NETO2: variants seen among roughly 807,000 people sequenced by gnomAD.
NETO2 encodes neuropilin and tolloid like 2, also known as neuropilin and tolloid-like protein 2.
NETO2 carries 28 observed loss-of-function variants against 62.5 expected under a neutral mutation model. The ratio of observed to expected loss-of-function variants is 0.45; its 90% CI spans 0.33 to 0.61. The LOEUF is 0.61. Among genes scored for constraint, NETO2 ranks in the 20% least tolerant of loss-of-function variants. The pLI is 0.02. For synonymous variants in NETO2, 214 were observed against 219.1 expected (o/e 0.98, Z 0.21); for missense variants, 548 against 643.2 (o/e 0.85, Z 1.60).
At chr16:47,134,266 T>C (rs1445375463) in intron 1 of NETO2, among the ~76,000 whole-genome samples, 1 of 152,226 alleles carries the variant, frequency 6.6e-6, no homozygotes, top group Non-Finnish European at 1.5e-5. Context: ...TCATCCTTGG[T>C]TTCTTGCATC....
chr16:47,086,488 G>A (rs976947356), intron 7 of NETO2, 149 bp from the exon 8 acceptor site: 10 of 602,626 alleles, frequency 1.7e-5, no homozygotes, highest in South Asian at 4.2e-5. Context: ...TAAGACAAAC[G>A]TCAATATTCT....
At chr16:47,138,215 T>G (rs1964396669) in intron 1 of NETO2, among the ~76,000 whole-genome samples, 1 of 152,000 alleles carries the variant, frequency 6.6e-6, no homozygotes, top group African/African-American at 2.4e-5. Flanking sequence ...GCCTGAACAA[T>G]ATGGTGAAAC....
rs527843596 is a variant in NETO2, at chr16:47,099,005, G to A, written c.883+10478C>T. ...CTCACGAGTAGCTGGGATTACAGGC[G>A]CCCACCACCACACCTGGGTAATTTT... On this transcript the variant is annotated intron_variant, in intron 7 of 8. Coordinates refer to ENST00000562435, the MANE Select transcript of NETO2 (RefSeq NM_018092.5). Among the ~76,000 whole-genome samples, 7 of 152,014 alleles carry A rather than the reference G, an allele frequency of 4.6e-5. No individual in the cohort carries two copies. The East Asian group carries it at 7.8e-4, about 17-fold the overall frequency.
At chr16:47,115,732 C>CATATATATATAT (rs1390345855) in intron 6 of NETO2, among the ~76,000 whole-genome samples, 3 of 134,492 alleles carry the variant, frequency 2.2e-5, no homozygotes, top group African/African-American at 3.2e-5. Context: ...TATATATATA[C>CATATATATATAT]ATGTATATAT....
chr16:47,119,698 T>C (rs1402313872), intron 6 of NETO2, among the ~76,000 whole-genome samples: 1 of 152,226 alleles, frequency 6.6e-6, no homozygotes. Flanking sequence ...TTTTTAAATG[T>C]AGTATTTTCA....
chr16:47,117,122 T>C (rs867531811), intron 6 of NETO2, among the ~76,000 whole-genome samples: 1 of 152,196 alleles, frequency 6.6e-6, no homozygotes, highest in East Asian at 1.9e-4. Context: ...TCTCTTAGTT[T>C]TATCATTCTT....
chr16:47,107,942 A>G (rs543879665), intron 7 of NETO2, among the ~76,000 whole-genome samples: 2 of 152,046 alleles, frequency 1.3e-5, no homozygotes, highest in South Asian at 4.2e-4. Flanking sequence ...TGCCCAGCTA[A>G]TTTTTGTATT....
At chr16:47,091,752 G>A (rs990176300) in intron 7 of NETO2, among the ~76,000 whole-genome samples, 25 of 152,302 alleles carry the variant, frequency 1.6e-4, no homozygotes, top group African/African-American at 5.8e-4. Context: ...AAAGCAGAGG[G>A]TGCCTATGTG....
At position 47,083,151 on chromosome 16, in the gene NETO2, G is replaced by GA; in HGVS notation, c.*69dup. On this transcript the variant is annotated 3_prime_UTR_variant, in exon 9 of 9. Transcript: ENST00000562435. ...GATGGGAGAAAAGGGTTGGCTGCTG[G>GA]AAACAGTATGGTGCCCTGGAGGCTG... is the stretch of plus-strand genomic sequence containing the variant. 1 of 1,384,460 alleles carries GA rather than the reference G, an allele frequency of 7.2e-7. No individual in the cohort carries two copies. The highest frequency in any genetic ancestry group is 1.4e-5 in the South Asian group (1 of 72,178). 85.8% of individuals were successfully genotyped at this position (1,384,460 alleles called of 1,614,324 possible). A position where few individuals can be genotyped will look rare whatever the true frequency, so the allele number is the denominator to read the frequency against.
In NETO2 at chr16:47,083,107, T is replaced by C. The variant is rs1055448503; in HGVS notation, c.*114A>G. The C allele has an allele frequency of 3.3e-6, 3 of 907,194 alleles. No homozygotes were observed. The highest frequency in any genetic ancestry group is 2.6e-5 in the Admixed American group (1 of 38,646). The allele number at this position is 907,194 out of a possible 1,614,324, so 56.2% of individuals were successfully genotyped here. A position where few individuals can be genotyped will look rare whatever the true frequency, so the allele number is the denominator to read the frequency against. The stretch of plus-strand genomic sequence containing the variant: ...CACCATACAATAGGTTAACGGTAAA[T>C]CAAGGTCTTCGTAGTTGTGATGGGA... On this transcript the variant is annotated 3_prime_UTR_variant, in exon 9 of 9. Coordinates refer to ENST00000562435, the MANE Select transcript of NETO2 (RefSeq NM_018092.5).
intron 4 of NETO2, among the ~76,000 whole-genome samples, chr16:47,123,899 A>G (rs750118702): frequency 1.3e-5 from 2 of 152,122 alleles, no homozygotes; most frequent in Non-Finnish European, 2.9e-5. Context: ...GAATTTCACT[A>G]TGTTGGTCAG....
chr16:47,103,895 C>A (rs956015934), intron 7 of NETO2, among the ~76,000 whole-genome samples: 1 of 152,048 alleles, frequency 6.6e-6, no homozygotes, highest in African/African-American at 2.4e-5. Context: ...ATGACAAAGG[C>A]CATATATGAA....
At position 47,078,363 on chromosome 16, in the gene NETO2, A is replaced by C. The variant is rs1963011980; in HGVS notation, c.*4858T>G. On this transcript the variant is annotated 3_prime_UTR_variant, in exon 9 of 9. Coordinates refer to ENST00000562435, the MANE Select transcript of NETO2 (RefSeq NM_018092.5). ...CAAGAGTCAAAATTCTTTTCTATAAAATGCCAAATCTAGGATTAAGCATAT... is the reference window on the plus strand; with the variant it reads ...CAAGAGTCAAAATTCTTTTCTATAACATGCCAAATCTAGGATTAAGCATAT... 1 of 152,198 alleles carries C rather than the reference A, an allele frequency of 6.6e-6. No individual in the cohort carries two copies. The highest frequency in any genetic ancestry group is 2.4e-5 in the African/African-American group (1 of 41,436). The allele number at this position is 152,198 out of a possible 1,614,324, so 9.4% of individuals were successfully genotyped here. A position where few individuals can be genotyped will look rare whatever the true frequency, so the allele number is the denominator to read the frequency against.
At chr16:47,118,891 T>C (rs1963977927) in intron 6 of NETO2, among the ~76,000 whole-genome samples, 1 of 152,180 alleles carries the variant, frequency 6.6e-6, no homozygotes, top group Non-Finnish European at 1.5e-5. Flanking sequence ...TAAATACCAG[T>C]GTTCAAACTT....
At chr16:47,088,016 GAAAC>G (rs765223155) in intron 7 of NETO2, among the ~76,000 whole-genome samples, 2 of 152,176 alleles carry the variant, frequency 1.3e-5, no homozygotes, top group Admixed American at 6.5e-5. Context: ...TCAGTGTAAA[GAAAC>G]AAACAAAACA....
chr16:47,128,615 A>G, intron 3 of NETO2, 42 bp from the exon 4 acceptor site: 1 of 1,584,582 alleles, frequency 6.3e-7, no homozygotes, highest in Middle Eastern at 1.7e-4. Context: ...CACAAACAAG[A>G]AAGAATATAA....
intron 1 of NETO2, 88 bp downstream of exon 1, chr16:47,143,491 G>C: frequency 1.7e-6 from 2 of 1,203,054 alleles, no homozygotes; most frequent in Non-Finnish European, 1.0e-6. Flanking sequence ...TCCCGGGCGC[G>C]GGTAAGGGAC....
intron 7 of NETO2, among the ~76,000 whole-genome samples, chr16:47,102,598 A>G (rs1216878367): frequency 1.3e-5 from 2 of 149,442 alleles, no homozygotes; most frequent in African/African-American, 2.5e-5. Context: ...ACAAGAAAAA[A>G]AAAAAAAAAC....
At position 47,085,979 on chromosome 16, in the gene NETO2, AC is replaced by A. The variant is rs549202629; in HGVS notation, c.997+246del. Among the ~76,000 whole-genome samples the A allele has an allele frequency of 9.4e-3, 1,433 of 151,988 alleles. 22 individuals carry two copies. Among genetic ancestry groups the A allele is most frequent in the African/African-American group, 0.033 (1,387 of 41,486 alleles). On this transcript the variant is annotated intron_variant, in intron 8 of 8. Coordinates refer to ENST00000562435, the MANE Select transcript of NETO2 (RefSeq NM_018092.5). ...AAATTAGCCGGGCGTGGTGGCAGGCACCTGTAGTCCCAGCTACTTGGGAAGC... is the reference window on the plus strand; with the variant it reads ...AAATTAGCCGGGCGTGGTGGCAGGCACTGTAGTCCCAGCTACTTGGGAAGC...
Sources: allele counts gnomAD v4.1 joint callset (sites outside exome capture counted in the v4.1 genomes callset), GRCh38; gene constraint gnomAD v4.1.1; transcripts MANE v1.5; gene names NCBI Gene and HGNC (gene_info 2026-07-23, HGNC 2026-07-21).